The following PCDH15 variants were observed in gnomAD, a reference collection of about 807,000 sequenced individuals.
PCDH15 encodes protocadherin related 15.
In PCDH15, 129 loss-of-function variants were observed where a neutral mutation model predicts 178.5. The observed-to-expected ratio is 0.72, with a 90% CI of 0.63 to 0.84. The LOEUF is 0.84. PCDH15 is among the 40% of genes least tolerant of loss of function. PCDH15 has a pLI of 0.00. For missense variants in PCDH15, 2,230 were observed against 2,099.9 expected, an observed-to-expected ratio of 1.06 and a Z score of -1.21; for synonymous variants, 800 against 732.0, an observed-to-expected ratio of 1.09 and a Z score of -1.50.
intron 1 of PCDH15, among the ~76,000 whole-genome samples, chr10:55,287,875 C>T (rs890537199): frequency 2.0e-5 from 3 of 151,770 alleles, no homozygotes; most frequent in Non-Finnish European, 2.9e-5. Context: ...TTCAGCCACA[C>T]CAAATTATTA....
chr10:55,579,728 C>A (rs1842567908), intron 2 of PCDH15, among the ~76,000 whole-genome samples: 1 of 152,144 alleles, frequency 6.6e-6, no homozygotes, highest in African/African-American at 2.4e-5. Context: ...TCAATATTAA[C>A]CAATGTCCCT....
chr10:54,444,468 C>T (rs9415335), intron 3 of PCDH15, among the ~76,000 whole-genome samples: 109,877 of 151,584 alleles, frequency 0.72, 41,178 homozygotes, highest in African/African-American at 0.83. Context: ...TTCCAGACCA[C>T]TTTCTAGGTA....
intron 31 of PCDH15, 87 bp downstream of exon 31, chr10:53,828,478 C>T: frequency 1.8e-6 from 2 of 1,139,324 alleles, no homozygotes; most frequent in Non-Finnish European, 2.7e-6. Flanking sequence ...AGATGTGGTT[C>T]TGAGCAGGCT....
intron 1 of PCDH15, among the ~76,000 whole-genome samples, chr10:55,297,617 TTA>T (rs768466048): frequency 2.0e-5 from 3 of 152,098 alleles, no homozygotes; most frequent in Non-Finnish European, 2.9e-5. Flanking sequence ...AAGACTCAAT[TTA>T]TATGACTTTA....
intron 2 of PCDH15, among the ~76,000 whole-genome samples, chr10:55,467,369 C>T (rs1565169643): frequency 8.8e-6 from 1 of 113,452 alleles, no homozygotes; most frequent in Non-Finnish European, 1.7e-5. Flanking sequence ...TGATCTTGGC[C>T]TGACTTTTTT....
chr10:54,780,106 A>C (rs1950216470), intron 1 of PCDH15, among the ~76,000 whole-genome samples: 1 of 152,182 alleles, frequency 6.6e-6, no homozygotes, highest in African/African-American at 2.4e-5. Context: ...GTTCTCAAAT[A>C]ATTCTTGCTG....
chr10:53,852,165 T>C (rs1039128769), intron 28 of PCDH15, among the ~76,000 whole-genome samples: 6 of 152,114 alleles, frequency 3.9e-5, no homozygotes, highest in African/African-American at 9.6e-5. Flanking sequence ...AAAGAAGTTA[T>C]AAAATGCAAA....
chr10:55,463,024 A>G (rs1248265897), intron 2 of PCDH15, among the ~76,000 whole-genome samples: 1 of 151,374 alleles, frequency 6.6e-6, no homozygotes, highest in African/African-American at 2.4e-5. Context: ...ATCTCTTTGT[A>G]TGTGAACAAA....
chr10:54,080,151 T>A (rs1190150852), intron 16 of PCDH15, among the ~76,000 whole-genome samples: 2 of 152,082 alleles, frequency 1.3e-5, no homozygotes, highest in Admixed American at 6.6e-5. Flanking sequence ...CTTTTGTGGC[T>A]ACACTAACAA....
intron 8 of PCDH15, among the ~76,000 whole-genome samples, chr10:54,245,450 T>TAACTGGG (rs2055827082): frequency 6.6e-6 from 1 of 152,128 alleles, no homozygotes; most frequent in Non-Finnish European, 1.5e-5. Context: ...TGATAGATAT[T>TAACTGGG]GACTTTACCA....
intron 2 of PCDH15, among the ~76,000 whole-genome samples, chr10:55,596,189 T>A (rs1350444686): frequency 2.0e-5 from 3 of 152,210 alleles, no homozygotes; most frequent in African/African-American, 7.2e-5. Flanking sequence ...ATAATAAAAT[T>A]AAAAATAAAG....
intron 28 of PCDH15, among the ~76,000 whole-genome samples, chr10:53,847,741 G>C (rs2078069995): frequency 6.6e-6 from 1 of 151,968 alleles, no homozygotes; most frequent in African/African-American, 2.4e-5. Context: ...GGACTATACA[G>C]GCCTTTGCAG....
intron 5 of PCDH15, among the ~76,000 whole-genome samples, chr10:54,357,932 A>G (rs1945306504): frequency 6.6e-6 from 1 of 152,078 alleles, no homozygotes; most frequent in African/African-American, 2.4e-5. Flanking sequence ...CCTATTTAAT[A>G]AATGGTGCTG....
At chr10:55,405,283 G>GATATATATATATATAT (rs72121105) in intron 2 of PCDH15, among the ~76,000 whole-genome samples, 5,668 of 107,416 alleles carry the variant, frequency 0.053, 369 homozygotes, top group Middle Eastern at 0.095. Flanking sequence ...TGAGGTAACA[G>GATATATATATATATAT]ATATATATAT....
chr10:55,603,447 T>C (rs1232698321), intron 2 of PCDH15, among the ~76,000 whole-genome samples: 1 of 151,710 alleles, frequency 6.6e-6, no homozygotes, highest in Non-Finnish European at 1.5e-5. Context: ...AATTGTCAGA[T>C]TCACCAAAGT....
intron 2 of PCDH15, among the ~76,000 whole-genome samples, chr10:55,400,064 C>T (rs1838026611): frequency 1.3e-5 from 2 of 152,200 alleles, no homozygotes; most frequent in African/African-American, 2.4e-5. Flanking sequence ...TGTGTTCAAT[C>T]TTTAAAACTT....
intron 1 of PCDH15, among the ~76,000 whole-genome samples, chr10:55,216,966 A>G (rs1215115106): frequency 6.6e-6 from 1 of 151,954 alleles, no homozygotes; most frequent in Non-Finnish European, 1.5e-5. Flanking sequence ...CAAAACACAG[A>G]GATGCTAAAC....
chr10:54,331,663 T>C (rs1027900329), intron 6 of PCDH15, among the ~76,000 whole-genome samples: 2 of 152,016 alleles, frequency 1.3e-5, no homozygotes, highest in African/African-American at 4.8e-5. Context: ...GTTATGAGGT[T>C]ATTACATTTT....
chr10:54,372,088 T>C (rs1048913502), intron 4 of PCDH15, among the ~76,000 whole-genome samples: 1 of 151,958 alleles, frequency 6.6e-6, no homozygotes, highest in Non-Finnish European at 1.5e-5. Flanking sequence ...CATATTTTAA[T>C]TGTAAATTAA....
Sources: allele counts gnomAD v4.1 joint callset (sites outside exome capture counted in the v4.1 genomes callset), GRCh38; gene constraint gnomAD v4.1.1; transcripts MANE v1.5; gene names NCBI Gene and HGNC (gene_info 2026-07-23, HGNC 2026-07-21).